SMIM13: variants seen among roughly 807,000 people sequenced by gnomAD.
SMIM13 encodes the protein UPF0766 protein C6orf228.
SMIM13 carries 3 observed loss-of-function variants against 5.9 expected under a neutral mutation model. The ratio of observed to expected loss-of-function variants is 0.51; its 90% CI spans 0.23 to 1.31. The LOEUF (loss-of-function observed/expected upper bound fraction) is 1.31, where lower values mean the gene tolerates loss of function less well. Among genes scored for constraint, SMIM13 ranks in the 40% most tolerant of loss-of-function variants. The pLI is 0.18. For missense variants in SMIM13, 85 were observed against 109.9 expected, an observed-to-expected ratio of 0.77 and a Z score of 1.01; for synonymous variants, 55 against 46.0, an observed-to-expected ratio of 1.19 and a Z score of -0.79.
chr6:11,133,942 T>G (rs1758485407), intron 1 of SMIM13, among the ~76,000 whole-genome samples: 1 of 152,134 alleles, frequency 6.6e-6, no homozygotes, highest in South Asian at 2.1e-4. Flanking sequence ...TGGTCCTGAC[T>G]GAGTAGTTTT....
chr6:11,111,070 T>C (rs549964757), intron 1 of SMIM13, among the ~76,000 whole-genome samples: 4 of 152,294 alleles, frequency 2.6e-5, no homozygotes, highest in African/African-American at 9.6e-5. Context: ...GGGAAAGGGT[T>C]GGAGGTCATC....
intron 1 of SMIM13, among the ~76,000 whole-genome samples, chr6:11,116,552 C>T (rs1758242918): frequency 6.6e-6 from 1 of 152,226 alleles, no homozygotes; most frequent in African/African-American, 2.4e-5. Flanking sequence ...TTGGACTATT[C>T]CACTTACCTG....
intron 1 of SMIM13, among the ~76,000 whole-genome samples, chr6:11,117,982 C>T (rs886400523): frequency 3.3e-5 from 5 of 152,026 alleles, no homozygotes; most frequent in East Asian, 3.9e-4. Context: ...GTGACCCGCC[C>T]GCCTCGGCCT....
intron 1 of SMIM13, among the ~76,000 whole-genome samples, chr6:11,122,328 C>T (rs1279827366): frequency 1.3e-5 from 2 of 152,164 alleles, no homozygotes; most frequent in African/African-American, 4.8e-5. Context: ...AGAATCGTTC[C>T]ACTGGATAAT....
At chr6:11,119,473 T>C (rs1358473691) in intron 1 of SMIM13, among the ~76,000 whole-genome samples, 1 of 151,932 alleles carries the variant, frequency 6.6e-6, no homozygotes, top group Non-Finnish European at 1.5e-5. Flanking sequence ...GCTAACACGG[T>C]GAACCTCCGT....
At chr6:11,099,054 C>T (rs947206305) in intron 1 of SMIM13, among the ~76,000 whole-genome samples, 3 of 152,110 alleles carry the variant, frequency 2.0e-5, no homozygotes, top group Admixed American at 1.3e-4. Context: ...ATACATTTCC[C>T]TTTTCTTTTA....
intron 1 of SMIM13, among the ~76,000 whole-genome samples, chr6:11,124,162 G>T (rs191132235): frequency 1.3e-4 from 20 of 151,836 alleles, no homozygotes; most frequent in Non-Finnish European, 2.9e-4. Flanking sequence ...CTTCAGTACC[G>T]TTCCCAGCCT....
At chr6:11,108,565 G>A (rs1478857280) in intron 1 of SMIM13, among the ~76,000 whole-genome samples, 1 of 152,198 alleles carries the variant, frequency 6.6e-6, no homozygotes, top group East Asian at 1.9e-4. Context: ...CCCCACAGAA[G>A]TAGCATTTGG....
intron 1 of SMIM13, among the ~76,000 whole-genome samples, chr6:11,117,163 G>GTTTTTTTTTTTTTTTTT: frequency 9.9e-6 from 1 of 100,660 alleles, no homozygotes; most frequent in African/African-American, 4.1e-5. Flanking sequence ...GCTAATTTTT[G>GTTTTTTTTTTTTTTTTT]TATTTTTTTT....
intron 1 of SMIM13, among the ~76,000 whole-genome samples, chr6:11,129,280 A>G (rs986263051): frequency 1.3e-5 from 2 of 152,290 alleles, no homozygotes; most frequent in East Asian, 1.9e-4. Flanking sequence ...AGATGATGTG[A>G]TATTTGTCTT....
chr6:11,134,371 A>G, intron 1 of SMIM13, 32 bp from the exon 2 acceptor site: 1 of 1,502,284 alleles, frequency 6.7e-7, no homozygotes, highest in Non-Finnish European at 9.0e-7. Context: ...GTGTGTAATA[A>G]CTTTTCTTAA....
At chr6:11,113,777 A>G (rs937645507) in intron 1 of SMIM13, among the ~76,000 whole-genome samples, 1 of 151,884 alleles carries the variant, frequency 6.6e-6, no homozygotes, top group South Asian at 2.1e-4. Flanking sequence ...GGGTTTCACC[A>G]TGTTGGCCAG....
chr6:11,103,158 T>A (rs1255679808), intron 1 of SMIM13: 1 of 152,770 alleles, frequency 6.5e-6, no homozygotes, highest in Non-Finnish European at 1.5e-5. Context: ...CAGTCAAGCC[T>A]TCCTAAAGGA....
chr6:11,130,330 T>C (rs1341301797), intron 1 of SMIM13, among the ~76,000 whole-genome samples: 1 of 151,670 alleles, frequency 6.6e-6, no homozygotes, highest in East Asian at 1.9e-4. Flanking sequence ...ATGAGCTCCC[T>C]AGTTATATTA....
At chr6:11,116,736 G>A (rs1308622976) in intron 1 of SMIM13, among the ~76,000 whole-genome samples, 1 of 152,100 alleles carries the variant, frequency 6.6e-6, no homozygotes, top group African/African-American at 2.4e-5. Context: ...TAATTGGCCT[G>A]ACTAGAGGTT....
intron 1 of SMIM13, among the ~76,000 whole-genome samples, chr6:11,129,303 T>G (rs1338157194): frequency 6.6e-6 from 1 of 152,234 alleles, no homozygotes; most frequent in Non-Finnish European, 1.5e-5. Context: ...TGTGTCTGAC[T>G]TATTTCACTT....
intron 1 of SMIM13, among the ~76,000 whole-genome samples, chr6:11,110,571 T>G (rs1397384801): frequency 6.6e-6 from 1 of 152,128 alleles, no homozygotes; most frequent in Non-Finnish European, 1.5e-5. Context: ...TGGAGGTGAT[T>G]AGAGGAATGG....
At chr6:11,110,755 A>T (rs1475703228) in intron 1 of SMIM13, among the ~76,000 whole-genome samples, 1 of 152,210 alleles carries the variant, frequency 6.6e-6, no homozygotes, top group Non-Finnish European at 1.5e-5. Flanking sequence ...TGAGAGGGCA[A>T]CGTTTATTTG....
chr6:11,127,517 A>G (rs1758392750), intron 1 of SMIM13, among the ~76,000 whole-genome samples: 1 of 152,182 alleles, frequency 6.6e-6, no homozygotes, highest in Non-Finnish European at 1.5e-5. Context: ...TTTACAAAAG[A>G]AAGAGGTTTA....
Sources: gnomAD v4.1 joint callset for allele counts (sites outside exome capture counted in the v4.1 genomes callset) on GRCh38, gnomAD v4.1.1 for gene constraint, MANE v1.5 for transcripts, NCBI Gene and HGNC (gene_info 2026-07-23, HGNC 2026-07-21) for gene names.